The following CAMTA1 variants were observed in gnomAD, a reference collection of about 807,000 sequenced individuals.
CAMTA1 encodes calmodulin-binding transcription activator 1.
In CAMTA1, 27 loss-of-function variants were observed where a neutral mutation model predicts 170.9. That is an observed-to-expected ratio of 0.16 (90% confidence interval 0.12 to 0.22). CAMTA1 has a LOEUF of 0.22. Among genes scored for constraint, CAMTA1 ranks in the 10% least tolerant of loss-of-function variants. CAMTA1 has a pLI of 1.00. For missense variants in CAMTA1, 1,619 were observed against 2,217.2 expected, an observed-to-expected ratio of 0.73 and a Z score of 5.42; for synonymous variants, 833 against 891.5, an observed-to-expected ratio of 0.93 and a Z score of 1.17.
At chr1:7,413,364 G>A (rs1199366619) in intron 5 of CAMTA1, among the ~76,000 whole-genome samples, 5 of 152,134 alleles carry the variant, frequency 3.3e-5, no homozygotes, top group Admixed American at 1.3e-4. Context: ...CCATTTTCAC[G>A]ATATTGATTC....
At chr1:6,982,115 T>A (rs1313186355) in intron 3 of CAMTA1, among the ~76,000 whole-genome samples, 1 of 152,230 alleles carries the variant, frequency 6.6e-6, no homozygotes, top group Non-Finnish European at 1.5e-5. Context: ...TGCACAGTGT[T>A]AGGAAGCGGG....
intron 3 of CAMTA1, among the ~76,000 whole-genome samples, chr1:6,866,357 C>T (rs1666567827): frequency 6.6e-6 from 1 of 152,254 alleles, no homozygotes; most frequent in East Asian, 1.9e-4. Context: ...TGGGAAATGT[C>T]AACTCCTTGA....
rs59041451 is a variant in CAMTA1, at chr1:7,106,309, C to T, written c.302+14938C>T. ...GAGAAGAAGGAGGAGGAGGAGGAGACGAAAGAGGAGGATGAGGAGGAAATA... is the reference window on the plus strand; with the variant it reads ...GAGAAGAAGGAGGAGGAGGAGGAGATGAAAGAGGAGGATGAGGAGGAAATA... On this transcript the variant is annotated intron_variant, in intron 4 of 22. Coordinates refer to ENST00000303635, the MANE Select transcript of CAMTA1 (RefSeq NM_015215.4). Among the ~76,000 whole-genome samples the T allele has an allele frequency of 2.4e-4, 35 of 148,312 alleles. No homozygotes were observed. In the South Asian group the frequency reaches 4.8e-3, roughly 20 times the overall value.
intron 3 of CAMTA1, among the ~76,000 whole-genome samples, chr1:6,834,835 C>T (rs1301567506): frequency 6.6e-6 from 1 of 152,102 alleles, no homozygotes; most frequent in Non-Finnish European, 1.5e-5. Flanking sequence ...GAATCTCGCT[C>T]GCCATGTTGC....
intron 3 of CAMTA1, among the ~76,000 whole-genome samples, chr1:6,949,684 C>A (rs749936840): frequency 2.0e-5 from 3 of 152,182 alleles, no homozygotes; most frequent in Non-Finnish European, 4.4e-5. Context: ...TGACCTTGGG[C>A]AAATTTTTTA....
Position 7,536,720 on chromosome 1 carries a change from G to C in CAMTA1, c.510+68819G>C, listed in dbSNP as rs141389638. Among the ~76,000 whole-genome samples the C allele has an allele frequency of 2.4e-4, 37 of 152,264 alleles. No individual in the cohort carries two copies. The East Asian group carries it at 6.4e-3, about 26-fold the overall frequency. ...GGTGTGGACGCAGGGCTTTCTGCAC[G>C]GCAGGCGCGACGCTCATTTAAATAG... On this transcript the variant is annotated intron_variant, in intron 6 of 22. Transcript: ENST00000303635.
chr1:7,327,763 T>A (rs1228219436), intron 5 of CAMTA1, among the ~76,000 whole-genome samples: 1 of 152,220 alleles, frequency 6.6e-6, no homozygotes, highest in Admixed American at 6.5e-5. Flanking sequence ...TTCTTACATC[T>A]CAGACCTTCC....
chr1:7,169,482 G>GT (rs140632208), intron 4 of CAMTA1, among the ~76,000 whole-genome samples: 5 of 152,050 alleles, frequency 3.3e-5, no homozygotes, highest in Non-Finnish European at 5.9e-5. Flanking sequence ...GTTTAGATAA[G>GT]TTTTTTTAAT....
At chr1:7,104,369 TAC>T (rs35873712) in intron 4 of CAMTA1, among the ~76,000 whole-genome samples, 45,749 of 150,784 alleles carry the variant, frequency 0.3, 7,425 homozygotes, top group African/African-American at 0.43. Context: ...TCAATACACA[TAC>T]ACACACACAC....
At chr1:7,253,574 A>T (rs1391434974) in intron 5 of CAMTA1, among the ~76,000 whole-genome samples, 3 of 152,178 alleles carry the variant, frequency 2.0e-5, no homozygotes, top group Non-Finnish European at 4.4e-5. Context: ...CATTTCCTAT[A>T]TACCAGGTAT....
rs902970068 is a variant in CAMTA1 at position 7,044,823 on chromosome 1, C to T, written c.235-46481C>T. Among the ~76,000 whole-genome samples the T allele has an allele frequency of 5.3e-5, 8 of 151,360 alleles. No individual in the cohort carries two copies. The highest frequency in any genetic ancestry group is 1.0e-4 in the Non-Finnish European group (7 of 67,846). ...CCTCTCCCCCACTCCCTCCTCTTCC[C>T]GCCTGTGGTTTTCTTTCCCATTCCT... On this transcript the variant is annotated intron_variant, in intron 3 of 22. Transcript: ENST00000303635. The surrounding 1 kb of genome is among the most constrained non-coding windows in gnomAD (Gnocchi z 5.0).
chr1:6,943,489 C>T (rs950933259), intron 3 of CAMTA1, among the ~76,000 whole-genome samples: 3 of 152,160 alleles, frequency 2.0e-5, no homozygotes, highest in African/African-American at 4.8e-5. Context: ...CCTCCCTCAG[C>T]GTCTTCTCAA....
Position 6,997,656 on chromosome 1 carries a change from C to CTTTTTTTTTTT in CAMTA1, c.235-93645_235-93644insTTTTTTTTTTT, listed in dbSNP as rs201500847. Among the ~76,000 whole-genome samples the CTTTTTTTTTTT allele has an allele frequency of 4.0e-4, 51 of 128,384 alleles. 4 individuals carry two copies. Among genetic ancestry groups the CTTTTTTTTTTT allele is most frequent in the African/African-American group, 9.5e-4 (29 of 30,382 alleles). The allele number at this position is 128,384 out of a possible 152,430, so 84.2% of individuals were successfully genotyped here. A position where few individuals can be genotyped will look rare whatever the true frequency, so the allele number is the denominator to read the frequency against. ...CTGTTTTCCATATTTCCTTTCTTTT[C>CTTTTTTTTTTT]TTTCTTTTTTTTTTTTTTTTTGAGA... On this transcript the variant is annotated intron_variant, in intron 3 of 22. Coordinates refer to ENST00000303635, the MANE Select transcript of CAMTA1 (RefSeq NM_015215.4).
At chr1:7,203,843 T>C (rs1274130357) in intron 4 of CAMTA1, among the ~76,000 whole-genome samples, 1 of 151,398 alleles carries the variant, frequency 6.6e-6, no homozygotes, top group Non-Finnish European at 1.5e-5. Flanking sequence ...TTCTTTTTTT[T>C]TTTTTCGAGA....
intron 6 of CAMTA1, among the ~76,000 whole-genome samples, chr1:7,506,391 G>A (rs750280413): frequency 3.3e-5 from 5 of 152,142 alleles, no homozygotes; most frequent in African/African-American, 4.8e-5. Context: ...ACCCACCACC[G>A]GACACCTGTG....
intron 6 of CAMTA1, among the ~76,000 whole-genome samples, chr1:7,530,812 GTTTTTTTTTTTT>G (rs34013817): frequency 9.9e-6 from 1 of 100,792 alleles, no homozygotes; most frequent in African/African-American, 3.9e-5. Flanking sequence ...GTGAGCTCTT[GTTTTTTTTTTTT>G]TTTTTTTTGA....
Position 7,704,363 on chromosome 1 carries a change from C to T in CAMTA1, c.2914+26630C>T, listed in dbSNP as rs1465651095. ...GGCAGCGGGCGCAGCCGTCGGGCTC[C>T]GAGCCGTCCCGGCCTCGAGGGAACC... On this transcript the variant is annotated intron_variant, in intron 11 of 22. Coordinates refer to ENST00000303635, the MANE Select transcript of CAMTA1 (RefSeq NM_015215.4). Among the ~76,000 whole-genome samples the T allele has an allele frequency of 7.5e-5, 11 of 146,100 alleles. No individual in the cohort carries two copies. In the East Asian group the frequency reaches 1.6e-3, roughly 21 times the overall value.
intron 6 of CAMTA1, among the ~76,000 whole-genome samples, chr1:7,539,785 G>A (rs1461903919): frequency 6.6e-6 from 1 of 152,274 alleles, no homozygotes; most frequent in Non-Finnish European, 1.5e-5. Context: ...CCAGACGGCA[G>A]GGCCAACGTG....
intron 4 of CAMTA1, among the ~76,000 whole-genome samples, chr1:7,131,390 C>G (rs192055772): frequency 4.6e-5 from 7 of 152,124 alleles, no homozygotes; most frequent in African/African-American, 1.7e-4. Flanking sequence ...AAATCCTTGT[C>G]AAATCCAAGA....
Sources: allele counts gnomAD v4.1 joint callset (sites outside exome capture counted in the v4.1 genomes callset), GRCh38; gene constraint gnomAD v4.1.1; non-coding constraint Gnocchi (gnomAD v3.1); transcripts MANE v1.5; gene names NCBI Gene and HGNC (gene_info 2026-07-23, HGNC 2026-07-21).